Variants in ADGRL2 observed in about 807,000 individuals in gnomAD.
ADGRL2 encodes adhesion G protein-coupled receptor L2.
In ADGRL2, 44 loss-of-function variants were observed where a neutral mutation model predicts 157.4. That is an observed-to-expected ratio of 0.28 (90% CI 0.22 to 0.36). ADGRL2 has a LOEUF of 0.36. Among genes scored for constraint, ADGRL2 ranks in the 10% least tolerant of loss-of-function variants. The pLI, the probability that ADGRL2 is intolerant of heterozygous loss-of-function variation, is 1.00. For missense variants in ADGRL2, 1,510 were observed against 1,768.9 expected, an observed-to-expected ratio of 0.85 and a Z score of 2.63; for synonymous variants, 585 against 624.7, an observed-to-expected ratio of 0.94 and a Z score of 0.95.
intron 2 of ADGRL2, among the ~76,000 whole-genome samples, chr1:81,846,184 A>G (rs911323895): frequency 2.6e-5 from 4 of 151,812 alleles, no homozygotes; most frequent in Non-Finnish European, 4.4e-5. Context: ...AAAATGGATG[A>G]TGGATGATAG....
intron 1 of ADGRL2, among the ~76,000 whole-genome samples, chr1:81,737,841 T>G (rs2084952253): frequency 6.6e-6 from 1 of 152,200 alleles, no homozygotes; most frequent in Non-Finnish European, 1.5e-5. Context: ...AAACAACGCA[T>G]GTCTCTTTTT....
chr1:81,922,420 C>A (rs2095004436), intron 3 of ADGRL2, among the ~76,000 whole-genome samples: 2 of 152,050 alleles, frequency 1.3e-5, no homozygotes, highest in African/African-American at 4.8e-5. Flanking sequence ...AATAGTCGTA[C>A]AGAATATCAT....
intron 2 of ADGRL2, among the ~76,000 whole-genome samples, chr1:81,516,270 C>A (rs2148125935): frequency 6.6e-6 from 1 of 152,290 alleles, no homozygotes; most frequent in South Asian, 2.1e-4. Flanking sequence ...TATGCCTCTG[C>A]TTCTATGACC....
At chr1:81,312,655 G>A (rs1290380879) in intron 1 of ADGRL2, among the ~76,000 whole-genome samples, 1 of 152,168 alleles carries the variant, frequency 6.6e-6, no homozygotes, top group South Asian at 2.1e-4. Context: ...CCATTGAGAT[G>A]TTAAGAGTAT....
intron 2 of ADGRL2, among the ~76,000 whole-genome samples, chr1:81,898,590 A>G (rs1201062707): frequency 6.6e-6 from 1 of 152,230 alleles, no homozygotes; most frequent in Non-Finnish European, 1.5e-5. Flanking sequence ...TACACGAAAT[A>G]GGTTTTTAAC....
At chr1:81,557,084 C>T (rs889422917) in intron 2 of ADGRL2, 8 of 184,242 alleles carry the variant, frequency 4.3e-5, no homozygotes, top group African/African-American at 9.7e-5. Context: ...CACGAAGCAG[C>T]CCACTCTCAG....
chr1:81,960,622 C>T (rs150292206), intron 11 of ADGRL2, among the ~76,000 whole-genome samples: 463 of 152,092 alleles, frequency 3.0e-3, no homozygotes, highest in Non-Finnish European at 4.6e-3. Context: ...TTATAGGTGC[C>T]TGCCATGATG....
At chr1:81,824,647 G>A (rs1388552265) in intron 1 of ADGRL2, among the ~76,000 whole-genome samples, 2 of 152,130 alleles carry the variant, frequency 1.3e-5, no homozygotes, top group Non-Finnish European at 2.9e-5. Context: ...AGCAACTACT[G>A]TACAAATGAC....
At chr1:81,835,816 A>C (rs1362149270) in intron 1 of ADGRL2, among the ~76,000 whole-genome samples, 1 of 152,030 alleles carries the variant, frequency 6.6e-6, no homozygotes, top group Non-Finnish European at 1.5e-5. Flanking sequence ...GGCCTGAATG[A>C]TTTCAGATTA....
At chr1:81,452,980 G>C (rs989084911) in intron 2 of ADGRL2, among the ~76,000 whole-genome samples, 1 of 152,162 alleles carries the variant, frequency 6.6e-6, no homozygotes, top group Non-Finnish European at 1.5e-5. Flanking sequence ...TTGCCAGCAA[G>C]AGGTCTGTGT....
chr1:81,829,553 T>C (rs1011274846), intron 1 of ADGRL2, among the ~76,000 whole-genome samples: 1 of 152,202 alleles, frequency 6.6e-6, no homozygotes, highest in Middle Eastern at 3.2e-3. Flanking sequence ...GTGTGAAATA[T>C]GTGAGCTAAA....
At chr1:81,502,479 G>C in intron 2 of ADGRL2, 1 of 1,613,924 alleles carries the variant, frequency 6.2e-7, no homozygotes, top group South Asian at 1.1e-5. Context: ...CAGAAGAGGC[G>C]GACCCCCATC....
At chr1:81,603,802 C>T (rs902979169) in intron 3 of ADGRL2, among the ~76,000 whole-genome samples, 6 of 152,104 alleles carry the variant, frequency 3.9e-5, no homozygotes, top group Non-Finnish European at 8.8e-5. Context: ...GAGTCCTGTT[C>T]GTTGTCTTTT....
At chr1:81,547,816 C>A (rs2080054475) in intron 2 of ADGRL2, among the ~76,000 whole-genome samples, 1 of 152,140 alleles carries the variant, frequency 6.6e-6, no homozygotes, top group African/African-American at 2.4e-5. Context: ...AACAAGGGAA[C>A]TTGATTTAAG....
rs145878819 is a variant in ADGRL2, at chr1:81,610,105, C to G, written c.-143+29125C>G. Among the ~76,000 whole-genome samples, 356 of 152,172 alleles carry G rather than the reference C, an allele frequency of 2.3e-3. 3 individuals are homozygous for G. The highest frequency in any genetic ancestry group is 7.9e-3 in the African/African-American group (330 of 41,526). Reference sequence around the variant, plus strand: ...ATTCCTGATTAGAATGCTAGTTGCACCAGGGGTGCAATGTCAACTAACCAT... The same window carrying G: ...ATTCCTGATTAGAATGCTAGTTGCAGCAGGGGTGCAATGTCAACTAACCAT... On this transcript the variant is annotated intron_variant, in intron 3 of 24. Transcript: ENST00000370721.
intron 1 of ADGRL2, among the ~76,000 whole-genome samples, chr1:81,362,579 T>C (rs1179911352): frequency 6.6e-6 from 1 of 151,938 alleles, no homozygotes; most frequent in Admixed American, 6.6e-5. Flanking sequence ...AAATATAAGG[T>C]ATATTTTTTT....
chr1:81,427,705 A>C (rs1449155870), intron 1 of ADGRL2: 1 of 419,286 alleles, frequency 2.4e-6, no homozygotes, highest in East Asian at 4.1e-5. Context: ...TCCCAAATGC[A>C]TTAAAGGAAC....
intron 2 of ADGRL2, among the ~76,000 whole-genome samples, chr1:81,886,245 C>T (rs1273036706): frequency 6.6e-6 from 1 of 152,180 alleles, no homozygotes; most frequent in African/African-American, 2.4e-5. Context: ...GATCTCAGCT[C>T]ACTGCAATCT....
intron 2 of ADGRL2, among the ~76,000 whole-genome samples, chr1:81,901,837 T>A (rs1185713461): frequency 6.6e-6 from 1 of 152,302 alleles, no homozygotes; most frequent in South Asian, 2.1e-4. Flanking sequence ...GAAAATAGTG[T>A]AAAATGGTCA....
Sources: gnomAD v4.1 joint callset for allele counts (sites outside exome capture counted in the v4.1 genomes callset) on GRCh38, gnomAD v4.1.1 for gene constraint, MANE v1.5 for transcripts, NCBI Gene and HGNC (gene_info 2026-07-23, HGNC 2026-07-21) for gene names.